FAAH2: variants seen among roughly 807,000 people sequenced by gnomAD.
FAAH2 encodes fatty-acid amide hydrolase 2.
FAAH2 carries 60 observed loss-of-function variants against 36.9 expected under a neutral mutation model. The ratio of observed to expected loss-of-function variants is 1.63; its 90% CI spans 1.32 to 2.02. FAAH2 has a LOEUF of 2.02. Among genes scored for constraint, FAAH2 ranks in the 30% most tolerant of loss-of-function variants. The pLI, the probability that FAAH2 is intolerant of heterozygous loss-of-function variation, is 0.00. For missense variants in FAAH2, 689 were observed against 397.5 expected (o/e 1.73, Z -6.23); for synonymous variants, 214 against 143.8 (o/e 1.49, Z -3.49).
At chrX:57,212,917 C>T in the FAAH2 span, among the ~76,000 whole-genome samples, 1 of 111,339 alleles carries the variant, frequency 9.0e-6, no homozygotes, top group African/African-American at 3.3e-5. Flanking sequence ...ATTTCTTGTG[C>T]ATTTTGTAGA....
chrX:57,333,976 T>A (rs930825344), intron 4 of FAAH2, among the ~76,000 whole-genome samples: 2 of 111,203 alleles, frequency 1.8e-5, no homozygotes, highest in African/African-American at 6.5e-5. Flanking sequence ...CAGAATTATA[T>A]TGGTATTTTC....
intron 3 of FAAH2, among the ~76,000 whole-genome samples, chrX:57,329,820 A>G (rs1235722923): frequency 1.8e-5 from 2 of 111,605 alleles, no homozygotes; most frequent in East Asian, 2.8e-4. Flanking sequence ...TTTCGTGGAC[A>G]TTTATTAGTT....
intron 4 of FAAH2, among the ~76,000 whole-genome samples, chrX:57,338,615 A>T (rs746522955): frequency 8.9e-6 from 1 of 111,782 alleles, no homozygotes; most frequent in South Asian, 3.7e-4. Flanking sequence ...CTATTCACCA[A>T]CAACAGGCAA....
intron 3 of FAAH2, among the ~76,000 whole-genome samples, chrX:57,328,500 T>G (rs1459114966): frequency 1.8e-5 from 2 of 112,024 alleles, no homozygotes; most frequent in Non-Finnish European, 3.8e-5. Flanking sequence ...TGGGTTTTAA[T>G]ATTTTCCAGG....
At chrX:57,152,485 C>T in the FAAH2 span, among the ~76,000 whole-genome samples, 1 of 112,589 alleles carries the variant, frequency 8.9e-6, no homozygotes, top group Non-Finnish European at 1.9e-5. Flanking sequence ...GCCCCTCCCC[C>T]AGCCTCGCTG....
At chrX:57,274,781 A>T in the FAAH2 span, among the ~76,000 whole-genome samples, 4 of 112,002 alleles carry the variant, frequency 3.6e-5, no homozygotes, top group Admixed American at 3.8e-4. Context: ...TATTTATGAC[A>T]AACCCACAGC....
intron 10 of FAAH2, among the ~76,000 whole-genome samples, chrX:57,473,294 T>C (rs1346718503): frequency 8.9e-6 from 1 of 111,811 alleles, no homozygotes; most frequent in African/African-American, 3.2e-5. Context: ...CCAAAAATTA[T>C]TTAAGAATAA....
chrX:57,334,331 G>C (rs969978281), intron 4 of FAAH2, among the ~76,000 whole-genome samples: 2 of 93,074 alleles, frequency 2.1e-5, no homozygotes, highest in Admixed American at 2.4e-4. Context: ...ACCACTGAAA[G>C]AACCATCAAC....
chrX:57,289,183 C>T (rs1235074471), intron 1 of FAAH2, among the ~76,000 whole-genome samples: 4 of 111,908 alleles, frequency 3.6e-5, no homozygotes, highest in African/African-American at 1.3e-4. Flanking sequence ...CAATGCCACA[C>T]AGCTAGAAAG....
chrX:57,449,234 G>T (rs1394639854), intron 10 of FAAH2, among the ~76,000 whole-genome samples: 1 of 112,039 alleles, frequency 8.9e-6, no homozygotes, highest in Non-Finnish European at 1.9e-5. Flanking sequence ...GAAGTCTAAA[G>T]GCCCCTGGAC....
Position 57,295,499 on chromosome X carries a change from A to G in FAAH2, c.275+2919A>G, listed in dbSNP as rs907626396. ...GGTGGAGCCAAGATGGCCGAATAGGAACAACTCCAGTCTACAGTTCCCAGC... is the reference window on the plus strand; with the variant it reads ...GGTGGAGCCAAGATGGCCGAATAGGGACAACTCCAGTCTACAGTTCCCAGC... On this transcript the variant is annotated intron_variant, in intron 2 of 10. Transcript: ENST00000374900. 1.9e-4 allele frequency among the ~76,000 whole-genome samples: 21 copies of G among 112,002 alleles called. No homozygotes were observed. The Admixed American group carries it at 1.9e-3, about 10-fold the overall frequency.
the FAAH2 span, among the ~76,000 whole-genome samples, chrX:57,124,598 A>G: frequency 7.2e-5 from 8 of 111,583 alleles, no homozygotes; most frequent in Non-Finnish European, 1.3e-4. Flanking sequence ...CTTGGGCAGT[A>G]TGGCCATTTT....
chrX:57,217,243 G>A, the FAAH2 span, among the ~76,000 whole-genome samples: 1 of 81,541 alleles, frequency 1.2e-5, no homozygotes, highest in Non-Finnish European at 2.1e-5. Context: ...TTACTTTGAC[G>A]ACTGTTTTTT....
intron 8 of FAAH2, among the ~76,000 whole-genome samples, chrX:57,439,395 G>A (rs991157690): frequency 2.5e-4 from 28 of 111,923 alleles, no homozygotes; most frequent in Non-Finnish European, 3.6e-4. Flanking sequence ...CTGCATAAAT[G>A]TCTTCTTTTG....
the FAAH2 span, among the ~76,000 whole-genome samples, chrX:57,198,877 G>A: frequency 1.8e-3 from 199 of 112,204 alleles, 1 homozygote; most frequent in African/African-American, 6.2e-3. Context: ...GGATTTTCAC[G>A]TTCTCCAGTG....
At chrX:57,404,583 C>T (rs1396549523) in intron 7 of FAAH2, among the ~76,000 whole-genome samples, 2 of 111,491 alleles carry the variant, frequency 1.8e-5, no homozygotes, top group African/African-American at 6.5e-5. Context: ...GGGAGGGACA[C>T]CAGCGACAAG....
At chrX:57,163,892 A>G in the FAAH2 span, among the ~76,000 whole-genome samples, 1 of 112,035 alleles carries the variant, frequency 8.9e-6, no homozygotes, top group Admixed American at 9.5e-5. Context: ...CTCCCTTAAT[A>G]TGAATTTCTT....
At chrX:57,458,561 C>T (rs1041425728) in intron 10 of FAAH2, among the ~76,000 whole-genome samples, 1 of 111,976 alleles carries the variant, frequency 8.9e-6, no homozygotes, top group East Asian at 2.8e-4. Context: ...ATAGGAATAG[C>T]AGCTTCAGTC....
intron 10 of FAAH2, chrX:57,452,435 G>A (rs1013689840): frequency 7.5e-6 from 4 of 531,416 alleles, no homozygotes; most frequent in Middle Eastern, 1.2e-3. Flanking sequence ...TTTAAACAGA[G>A]TGGGCTTGGT....
Sources: gnomAD v4.1 joint callset for allele counts (sites outside exome capture counted in the v4.1 genomes callset) on GRCh38, gnomAD v4.1.1 for gene constraint, MANE v1.5 for transcripts, NCBI Gene and HGNC (gene_info 2026-07-23, HGNC 2026-07-21) for gene names.